The following SNX29 variants were observed in gnomAD, a reference collection of about 807,000 sequenced individuals.
SNX29 encodes the protein sorting nexin-29.
A neutral mutation model predicts 102.1 loss-of-function variants in SNX29; 78 were observed. The observed-to-expected ratio is 0.76, with a 90% CI of 0.64 to 0.92. The LOEUF is 0.92. Among genes scored for constraint, SNX29 ranks in the 40% least tolerant of loss-of-function variants. The pLI is 0.00. For synonymous variants in SNX29, 580 were observed against 414.5 expected, an observed-to-expected ratio of 1.40 and a Z score of -4.85; for missense variants, 1,280 against 1,061.7, an observed-to-expected ratio of 1.21 and a Z score of -2.86.
chr16:12,417,491 C>A lies in SNX29; in HGVS notation c.2037+13962C>A, dbSNP rs377185359. Among the ~76,000 whole-genome samples the A allele has an allele frequency of 3.4e-4, 52 of 152,262 alleles. No individual in the cohort carries two copies. In the East Asian group the frequency reaches 6.0e-3, roughly 18 times the overall value. On this transcript the variant is annotated intron_variant, in intron 18 of 20. Coordinates refer to ENST00000566228, the MANE Select transcript of SNX29 (RefSeq NM_032167.5). Reference sequence around the variant, plus strand: ...CAGAGGGGGTGGGTGGTTCTCCTTTCCTTCCTTCTCTTTGCTCCCCGCTTT... The same window carrying A: ...CAGAGGGGGTGGGTGGTTCTCCTTTACTTCCTTCTCTTTGCTCCCCGCTTT...
At chr16:12,306,669 GC>G (rs1339749914) in intron 15 of SNX29, among the ~76,000 whole-genome samples, 4 of 152,218 alleles carry the variant, frequency 2.6e-5, no homozygotes, top group African/African-American at 9.7e-5. Flanking sequence ...TTAGGCCCCT[GC>G]TGATGGCAGC....
At chr16:12,113,154 G>A (rs1171620392) in intron 11 of SNX29, among the ~76,000 whole-genome samples, 1 of 152,202 alleles carries the variant, frequency 6.6e-6, no homozygotes. Flanking sequence ...AGTGGATTGA[G>A]CAGTCACTCC....
intron 20 of SNX29, among the ~76,000 whole-genome samples, chr16:12,538,406 A>G (rs533791699): frequency 1.3e-5 from 2 of 152,294 alleles, no homozygotes; most frequent in East Asian, 3.9e-4. Flanking sequence ...TGCACTTTTA[A>G]AATGATGTCT....
chr16:12,550,943 A>T (rs1012848646), intron 20 of SNX29, among the ~76,000 whole-genome samples: 1 of 152,166 alleles, frequency 6.6e-6, no homozygotes, highest in African/African-American at 2.4e-5. Context: ...TTTTTAGTTG[A>T]ATCATAAAGG....
chr16:12,365,640 G>A (rs192276110), intron 16 of SNX29, among the ~76,000 whole-genome samples: 4 of 150,346 alleles, frequency 2.7e-5, no homozygotes, highest in Non-Finnish European at 4.4e-5. Flanking sequence ...CAATTGAGCC[G>A]AGATCACGCA....
chr16:12,354,646 GT>G (rs1284317527), intron 15 of SNX29, among the ~76,000 whole-genome samples: 1 of 152,180 alleles, frequency 6.6e-6, no homozygotes, highest in East Asian at 1.9e-4. Context: ...TGGATTTCTG[GT>G]TTGCTGCGTG....
intron 8 of SNX29, among the ~76,000 whole-genome samples, chr16:12,059,279 C>G (rs1176719258): frequency 2.6e-5 from 4 of 152,186 alleles, no homozygotes; most frequent in Non-Finnish European, 5.9e-5. Context: ...GCTGCCTTCT[C>G]CTGAAAGGGC....
chr16:12,094,007 C>G (rs2052667341), intron 11 of SNX29: 1 of 152,124 alleles, frequency 6.6e-6, no homozygotes, highest in Admixed American at 6.6e-5. Flanking sequence ...TTTTACTGTT[C>G]TGCTTGCTGA....
intron 11 of SNX29, among the ~76,000 whole-genome samples, chr16:12,121,040 G>C (rs1432473708): frequency 6.6e-6 from 1 of 152,236 alleles, no homozygotes; most frequent in Non-Finnish European, 1.5e-5. Flanking sequence ...CGTTTTAGCA[G>C]TGGGCGACTG....
chr16:12,115,131 G>A (rs1349892486), intron 11 of SNX29, among the ~76,000 whole-genome samples: 1 of 152,150 alleles, frequency 6.6e-6, no homozygotes, highest in East Asian at 1.9e-4. Context: ...GGCAGTGGAT[G>A]AAAAATTGCC....
At chr16:12,508,649 C>T (rs745541154) in intron 19 of SNX29, among the ~76,000 whole-genome samples, 5 of 152,226 alleles carry the variant, frequency 3.3e-5, no homozygotes, top group Non-Finnish European at 7.3e-5. Flanking sequence ...CCCGCTTTAC[C>T]AACGTTCCTG....
At chr16:12,027,014 C>G (rs905601326) in intron 3 of SNX29, among the ~76,000 whole-genome samples, 2 of 152,168 alleles carry the variant, frequency 1.3e-5, no homozygotes, top group East Asian at 1.9e-4. Context: ...ACTTTTCCCC[C>G]CTCTGCACCC....
At chr16:12,466,532 C>A (rs1021916806) in intron 18 of SNX29, among the ~76,000 whole-genome samples, 2 of 152,114 alleles carry the variant, frequency 1.3e-5, no homozygotes, top group African/African-American at 4.8e-5. Context: ...AGATGTGGCA[C>A]CCCCCCTTCC....
intron 15 of SNX29, among the ~76,000 whole-genome samples, chr16:12,347,478 T>C (rs1184379874): frequency 6.6e-6 from 1 of 152,064 alleles, no homozygotes; most frequent in Non-Finnish European, 1.5e-5. Context: ...CCATGCAGGC[T>C]CTGGAGCCAG....
chr16:12,160,497 T>C (rs771233878), intron 13 of SNX29, among the ~76,000 whole-genome samples: 2 of 152,164 alleles, frequency 1.3e-5, no homozygotes, highest in Non-Finnish European at 2.9e-5. Context: ...CTGTGAAACA[T>C]CTAGGATAAG....
rs190762786 is a variant in SNX29 at position 12,400,030 on chromosome 16, A to G, written c.1955+1529A>G. Among the ~76,000 whole-genome samples, 9 of 152,204 alleles carry G rather than the reference A, an allele frequency of 5.9e-5. No homozygotes were observed. In the East Asian group the frequency reaches 1.7e-3, roughly 29 times the overall value. On this transcript the variant is annotated intron_variant, in intron 17 of 20. Transcript: ENST00000566228. ...TCCGGGCAGGTCCCTAATAGAGAGG[A>G]TGAATTAGCCATGGTCCCTGCCCTC...
intron 19 of SNX29, among the ~76,000 whole-genome samples, chr16:12,505,858 T>C (rs573496156): frequency 1.3e-5 from 2 of 152,078 alleles, no homozygotes; most frequent in South Asian, 2.1e-4. Flanking sequence ...CTTCATGATA[T>C]TAAGTCTTCC....
intron 15 of SNX29, among the ~76,000 whole-genome samples, chr16:12,304,022 G>T (rs897744008): frequency 5.3e-5 from 8 of 152,192 alleles, no homozygotes; most frequent in African/African-American, 1.9e-4. Context: ...AGTGTTTTCT[G>T]TTAACACATT....
At chr16:12,377,602 T>A (rs2082923863) in intron 16 of SNX29, among the ~76,000 whole-genome samples, 1 of 152,140 alleles carries the variant, frequency 6.6e-6, no homozygotes, top group Non-Finnish European at 1.5e-5. Flanking sequence ...TTCAGGCAGG[T>A]AATAGATGCA....
Sources: allele counts gnomAD v4.1 joint callset (sites outside exome capture counted in the v4.1 genomes callset), GRCh38; gene constraint gnomAD v4.1.1; transcripts MANE v1.5; gene names NCBI Gene and HGNC (gene_info 2026-07-23, HGNC 2026-07-21).